PDE4D: variants seen among roughly 807,000 people sequenced by gnomAD.
The protein encoded by PDE4D is phosphodiesterase 4D.
Under a neutral mutation model 87.4 loss-of-function variants are expected in PDE4D, and 24 were observed. That is an observed-to-expected ratio of 0.27 (90% CI 0.20 to 0.39). PDE4D has a LOEUF of 0.39. Ranked by LOEUF, PDE4D falls within the 10% of genes least tolerant of loss-of-function variation. The pLI is 1.00. For synonymous variants in PDE4D, 384 were observed against 383.2 expected (o/e 1.00, Z -0.02); for missense variants, 714 against 1,041.0 (o/e 0.69, Z 4.32).
intron 2 of PDE4D, chr5:60,185,444 T>C: frequency 1.6e-6 from 1 of 620,290 alleles, no homozygotes; most frequent in South Asian, 2.0e-5. Context: ...GAAAGTTGAC[T>C]AAACGTTTCC....
At chr5:60,030,427 G>C (rs917617331) in intron 2 of PDE4D, among the ~76,000 whole-genome samples, 1 of 152,096 alleles carries the variant, frequency 6.6e-6, no homozygotes, top group Non-Finnish European at 1.5e-5. Flanking sequence ...TCCGCAGTCC[G>C]GCCTGGGCGA....
intron 1 of PDE4D, among the ~76,000 whole-genome samples, chr5:60,458,085 G>C (rs1163353727): frequency 6.6e-6 from 1 of 152,082 alleles, no homozygotes; most frequent in Non-Finnish European, 1.5e-5. Context: ...TTGGAGAATA[G>C]CTAAGAATAT....
rs185260720 is a variant in PDE4D, at chr5:60,102,408, G to T, written c.42+83149C>A. Reference sequence around the variant, plus strand: ...AAGAAATCTTTCAAACATCCTGCCAGCTACCCACTGCTGGCAATATGAGTT... The same window carrying T: ...AAGAAATCTTTCAAACATCCTGCCATCTACCCACTGCTGGCAATATGAGTT... On this transcript the variant is annotated intron_variant, in intron 2 of 16. Coordinates refer to the PDE4D transcript ENST00000502484. Among the ~76,000 whole-genome samples the T allele has an allele frequency of 8.5e-4, 130 of 152,250 alleles. No individual in the cohort carries two copies. The Middle Eastern group carries it at 0.014, about 16-fold the overall frequency.
chr5:60,182,425 T>C (rs1784441294), intron 2 of PDE4D, among the ~76,000 whole-genome samples: 1 of 152,146 alleles, frequency 6.6e-6, no homozygotes, highest in African/African-American at 2.4e-5. Flanking sequence ...AATATCAAAT[T>C]CACCTGAGAC....
intron 1 of PDE4D, among the ~76,000 whole-genome samples, chr5:59,370,764 A>G (rs1468003028): frequency 6.6e-6 from 1 of 152,230 alleles, no homozygotes. Flanking sequence ...GTAATGGTTC[A>G]ATATATATTT....
intron 1 of PDE4D, among the ~76,000 whole-genome samples, chr5:59,712,974 A>G (rs186957341): frequency 2.8e-4 from 42 of 152,332 alleles, no homozygotes; most frequent in African/African-American, 8.9e-4. Flanking sequence ...TTACTTATCT[A>G]AGAATTTAAA....
chr5:59,091,153 T>C, intron 5 of PDE4D: 1 of 451,950 alleles, frequency 2.2e-6, no homozygotes, highest in South Asian at 1.6e-5. Flanking sequence ...AGAAAGAAAA[T>C]CCAAGTGTTT....
At chr5:60,476,531 C>A (rs1398172028) in intron 1 of PDE4D, among the ~76,000 whole-genome samples, 1 of 152,178 alleles carries the variant, frequency 6.6e-6, no homozygotes, top group African/African-American at 2.4e-5. Context: ...CCAAATCCAC[C>A]AATGGATTGC....
intron 1 of PDE4D, among the ~76,000 whole-genome samples, chr5:60,349,288 C>G (rs183181436): frequency 6.6e-6 from 1 of 152,078 alleles, no homozygotes; most frequent in Non-Finnish European, 1.5e-5. Flanking sequence ...TGAAATAAAA[C>G]TAATGTAATT....
At chr5:60,490,967 T>C (rs757499347), upstream of PDE4D, 7 of 152,204 alleles carry the variant, frequency 4.6e-5, no homozygotes, top group Non-Finnish European at 8.8e-5. Flanking sequence ...TTCAGACCCA[T>C]CCTGTTAGTA....
chr5:60,390,389 C>T (rs943896038), intron 1 of PDE4D, among the ~76,000 whole-genome samples: 2 of 152,114 alleles, frequency 1.3e-5, no homozygotes, highest in African/African-American at 4.8e-5. Context: ...TTAGCGCAAC[C>T]CCAATTCTGC....
intron 1 of PDE4D, among the ~76,000 whole-genome samples, chr5:59,401,443 ACTAT>A (rs10705466): frequency 0.12 from 15,638 of 127,450 alleles, 934 homozygotes; most frequent in African/African-American, 0.17. Flanking sequence ...TATATTAGAG[ACTAT>A]CTATCTATCT....
chr5:59,774,058 AT>A (rs1353391164), intron 1 of PDE4D, among the ~76,000 whole-genome samples: 1 of 152,170 alleles, frequency 6.6e-6, no homozygotes, highest in Non-Finnish European at 1.5e-5. Flanking sequence ...ATATGGAGGA[AT>A]AATGAGAGGT....
At chr5:60,242,495 A>C (rs973646034) in intron 1 of PDE4D, among the ~76,000 whole-genome samples, 1 of 152,142 alleles carries the variant, frequency 6.6e-6, no homozygotes, top group African/African-American at 2.4e-5. Flanking sequence ...TTTACAGGAC[A>C]TTTCATCCAA....
intron 1 of PDE4D, among the ~76,000 whole-genome samples, chr5:59,577,248 G>A (rs940345106): frequency 2.0e-5 from 3 of 152,078 alleles, no homozygotes; most frequent in East Asian, 1.9e-4. Context: ...CGGGCATAAC[G>A]CTGCTGTCTT....
intron 2 of PDE4D, among the ~76,000 whole-genome samples, chr5:60,169,656 A>G (rs1783241133): frequency 1.3e-5 from 2 of 152,078 alleles, no homozygotes; most frequent in Non-Finnish European, 2.9e-5. Context: ...ATCAATTAAT[A>G]ATAATATAAA....
intron 5 of PDE4D, among the ~76,000 whole-genome samples, chr5:59,061,561 A>G (rs1290209652): frequency 6.6e-6 from 1 of 152,080 alleles, no homozygotes; most frequent in East Asian, 1.9e-4. Flanking sequence ...GACTGTCTGT[A>G]TAACATCCAC....
At position 60,257,222 on chromosome 5, in the gene PDE4D, G is replaced by GAGAAAGAAAGAA. The variant is rs142753730; in HGVS notation, c.-89-71547_-89-71536dup. ...AGAAAGAATGAATGAAAGAAAGAAAGAGAAAGAAAGAAAGAAAGAAAGAAA... is the reference window on the plus strand; with the variant it reads ...AGAAAGAATGAATGAAAGAAAGAAAGAGAAAGAAAGAAAGAAAGAAAGAAAGAAAGAAAGAAA... On this transcript the variant is annotated intron_variant, in intron 1 of 16. Coordinates refer to the PDE4D transcript ENST00000502484. Among the ~76,000 whole-genome samples the GAGAAAGAAAGAA allele has an allele frequency of 7.1e-4, 101 of 143,240 alleles. No homozygotes were observed. In the Middle Eastern group the frequency reaches 0.01, roughly 15 times the overall value. 94.0% of individuals were successfully genotyped at this position (143,240 alleles called of 152,430 possible).
intron 5 of PDE4D, among the ~76,000 whole-genome samples, chr5:59,046,656 G>T (rs1760756119): frequency 6.6e-6 from 1 of 152,102 alleles, no homozygotes; most frequent in Non-Finnish European, 1.5e-5. Flanking sequence ...GTTACTGAAG[G>T]TACAAAATCC....
Sources: allele counts gnomAD v4.1 joint callset (sites outside exome capture counted in the v4.1 genomes callset), GRCh38; gene constraint gnomAD v4.1.1; transcripts MANE v1.5; gene names NCBI Gene and HGNC (gene_info 2026-07-23, HGNC 2026-07-21).